The following ZNF683 variants were observed in gnomAD, a reference collection of about 807,000 sequenced individuals.
The protein encoded by ZNF683 is zinc finger protein 683.
Under a neutral mutation model 31.4 loss-of-function variants are expected in ZNF683, and 20 were observed. That is an observed-to-expected ratio of 0.64 (90% CI 0.45 to 0.93). The LOEUF (loss-of-function observed/expected upper bound fraction) is 0.93. ZNF683 is among the 40% of genes least tolerant of loss of function. ZNF683 has a pLI of 0.00. For missense variants in ZNF683, 621 were observed against 637.2 expected (o/e 0.97, Z 0.27); for synonymous variants, 264 against 267.6 (o/e 0.99, Z 0.13).
intron 4 of ZNF683, 104 bp downstream of exon 4, chr1:26,364,428 G>A (rs947436707): frequency 7.5e-7 from 1 of 1,338,526 alleles, no homozygotes; most frequent in East Asian, 2.3e-5. Flanking sequence ...GGTTGCCCAG[G>A]AGTGCCTTCT....
chr1:26,367,801 G>A lies in ZNF683; in HGVS notation c.115-4C>T, dbSNP rs199724674. On this transcript the variant is annotated splice_region_variant and splice_polypyrimidine_tract_variant and intron_variant, in intron 2 of 5. Transcript: ENST00000349618. ...GTGGTCTGCAGGCTGAGAAGACCTG[G>A]AGGGCAGGGGCAAGGGGCTTGGGGG... is the stretch of plus-strand genomic sequence containing the variant. 4.5e-6 allele frequency: 7 copies of A among 1,572,740 alleles called. No homozygotes were observed. In the African/African-American group the frequency reaches 9.4e-5, roughly 21 times the overall value.
intron 3 of ZNF683, among the ~76,000 whole-genome samples, chr1:26,367,338 C>G (rs2074547786): frequency 6.6e-6 from 1 of 152,134 alleles, no homozygotes; most frequent in Non-Finnish European, 1.5e-5. Flanking sequence ...ATGACCTTGG[C>G]TATACCTACA....
At chr1:26,372,479 G>A (rs971189194) in intron 1 of ZNF683, 190 bp downstream of exon 1, 66 of 1,304,060 alleles carry the variant, frequency 5.1e-5, no homozygotes, top group Non-Finnish European at 6.2e-5. Flanking sequence ...CTTCATGCAG[G>A]CATACATGGA....
At chr1:26,362,747 C>T (rs935075891) in intron 5 of ZNF683, among the ~76,000 whole-genome samples, 3 of 152,176 alleles carry the variant, frequency 2.0e-5, no homozygotes, top group Non-Finnish European at 4.4e-5. Flanking sequence ...TACACTATAG[C>T]ATTAACTCCT....
chr1:26,372,647 C>T lies in ZNF683; in HGVS notation c.-15+22G>A, dbSNP rs2074696284. ...GAAAAAAATAAAAACTACTTCCCCT[C>T]TATCCGCACTTCCCAACCTACTCTG... On this transcript the variant is annotated intron_variant, in intron 1 of 5. Coordinates refer to ENST00000349618, the MANE Select transcript of ZNF683 (RefSeq NM_001114759.3). 8.4e-6 allele frequency: 11 copies of T among 1,303,328 alleles called. No individual in the cohort carries two copies. The South Asian group carries it at 1.4e-4, about 16-fold the overall frequency. 80.7% of individuals were successfully genotyped at this position (1,303,328 alleles called of 1,614,324 possible).
rs56178546 is a variant in ZNF683 at position 26,369,668 on chromosome 1, C to CAA, written c.-14-1085_-14-1084dup. On this transcript the variant is annotated intron_variant, in intron 1 of 5. Transcript: ENST00000349618. ...GGGTGACAGAGCAAGACTTTGTCTCCAAAAAAAAAAAATTAGCTGAGTGTG... is the reference window on the plus strand; with the variant it reads ...GGGTGACAGAGCAAGACTTTGTCTCCAAAAAAAAAAAAAATTAGCTGAGTGTG... 2.8e-5 allele frequency among the ~76,000 whole-genome samples: 3 copies of CAA among 108,692 alleles called. 1 individual carries two copies. The highest frequency in any genetic ancestry group is 3.7e-5 in the Non-Finnish European group (2 of 53,994). 71.3% of individuals were successfully genotyped at this position (108,692 alleles called of 152,430 possible). A position where few individuals can be genotyped will look rare whatever the true frequency, so the allele number is the denominator to read the frequency against.
chr1:26,363,221 C>A, intron 4 of ZNF683, 67 bp from the exon 5 acceptor site: 1 of 1,538,832 alleles, frequency 6.5e-7, no homozygotes, highest in Admixed American at 1.8e-5. Flanking sequence ...AGGTCCTCTC[C>A]AAATCTCTGC....
At chr1:26,373,037 CA>C (rs2124223140), upstream of ZNF683, among the ~76,000 whole-genome samples, 1 of 152,302 alleles carries the variant, frequency 6.6e-6, no homozygotes, top group East Asian at 1.9e-4. Context: ...GCCCAGGGTA[CA>C]AAAGCCCCAA....
rs1352862529 is a variant in ZNF683, at chr1:26,367,817, G to A, written c.115-20C>T. 13 of 1,531,696 alleles carry A rather than the reference G, an allele frequency of 8.5e-6. No individual in the cohort carries two copies. Among genetic ancestry groups the A allele is most frequent in the Non-Finnish European group, 9.7e-6 (11 of 1,134,920 alleles). 94.9% of individuals were successfully genotyped at this position (1,531,696 alleles called of 1,614,324 possible). A position where few individuals can be genotyped will look rare whatever the true frequency, so the allele number is the denominator to read the frequency against. On this transcript the variant is annotated intron_variant, in intron 2 of 5. Coordinates refer to ENST00000349618, the MANE Select transcript of ZNF683 (RefSeq NM_001114759.3). The stretch of plus-strand genomic sequence containing the variant: ...GAAGACCTGGAGGGCAGGGGCAAGG[G>A]GCTTGGGGGCTGGTGACTGGGACTC...
At chr1:26,363,587 T>C (rs984972710) in intron 4 of ZNF683, among the ~76,000 whole-genome samples, 6 of 151,766 alleles carry the variant, frequency 4.0e-5, no homozygotes, top group African/African-American at 9.7e-5. Context: ...GAGAAACACA[T>C]TGGGACCCCG....
intron 1 of ZNF683, among the ~76,000 whole-genome samples, chr1:26,370,406 C>G (rs2074641591): frequency 6.6e-6 from 1 of 152,198 alleles, no homozygotes; most frequent in Non-Finnish European, 1.5e-5. Flanking sequence ...CATCCAGCAC[C>G]AGGCTTCTCT....
At chr1:26,372,436 C>T (rs2074690526) in intron 1 of ZNF683, 1 of 1,284,276 alleles carries the variant, frequency 7.8e-7, no homozygotes, top group Non-Finnish European at 1.0e-6. Context: ...GCCGAAATGG[C>T]CAAATACTTA....
At chr1:26,367,479 T>G in intron 3 of ZNF683, 114 bp downstream of exon 3, 1 of 1,170,386 alleles carries the variant, frequency 8.5e-7, no homozygotes. Context: ...GTGCCTAAGC[T>G]CTGTCTTCAT....
intron 3 of ZNF683, among the ~76,000 whole-genome samples, chr1:26,367,289 A>C (rs1202167431): frequency 6.6e-6 from 1 of 151,778 alleles, no homozygotes; most frequent in Non-Finnish European, 1.5e-5. Context: ...CAAACAAAAA[A>C]CACCTCTCTA....
In ZNF683 at chr1:26,363,052, T is replaced by C; in HGVS notation, c.1117A>G (p.Thr373Ala). 6.2e-7 allele frequency: 1 copy of C among 1,612,190 alleles called. No homozygotes were observed. The highest frequency in any genetic ancestry group is 8.5e-7 in the Non-Finnish European group (1 of 1,179,104). ...GAGCACTTGTGGGGCCGCTCCCCAG[T>C]GTGCACCAGGTGGTGCTTCTGCAGG... ...AHLQKHHLVHTGERPHKCSVC... is the reference protein window; with the variant it reads ...AHLQKHHLVHAGERPHKCSVC... The change falls in exon 5 of 6, where the codon ACT becomes GCT. Residue 373 changes from threonine to alanine, a missense_variant. Thr to Ala is a moderately conservative substitution (Grantham distance 58). Coordinates refer to ENST00000349618, the MANE Select transcript of ZNF683 (RefSeq NM_001114759.3).
At chr1:26,365,294 T>C in intron 3 of ZNF683, 68 bp from the exon 4 acceptor site, 1 of 1,467,436 alleles carries the variant, frequency 6.8e-7, no homozygotes, top group Non-Finnish European at 9.1e-7. Flanking sequence ...CCATCAAACC[T>C]GCCCTGCTCG....
chr1:26,368,663 T>A (rs528716643), intron 1 of ZNF683, 78 bp from the exon 2 acceptor site: 1 of 1,442,382 alleles, frequency 6.9e-7, no homozygotes, highest in East Asian at 2.6e-5. Context: ...GGCTCTCCCA[T>A]TAACATGCTG....
At chr1:26,374,037 T>G (rs2074716488), upstream of ZNF683, among the ~76,000 whole-genome samples, 1 of 150,164 alleles carries the variant, frequency 6.7e-6, no homozygotes, top group Non-Finnish European at 1.5e-5. Flanking sequence ...CATTTCTTTC[T>G]TTCTTGCTCT....
In ZNF683 at chr1:26,361,672, C is replaced by T. The variant is rs754675041; in HGVS notation, c.1494G>A (p.Met498Ile). The change falls in exon 6 of 6, where the codon ATG (methionine) becomes ATA (isoleucine). Residue 498 changes from methionine to isoleucine, a missense_variant. Coordinates refer to ENST00000349618, the MANE Select transcript of ZNF683 (RefSeq NM_001114759.3). ...ATTTTTAATTGTTCTGGTCCTGCCC[C>T]ATCACCAGGGGAGTCCCGGCACTGC... ...SLSSAGTPLV[M>I]GQDQNN 3.1e-6 allele frequency: 5 copies of T among 1,612,758 alleles called. No homozygotes were observed. Among genetic ancestry groups the T allele is most frequent in the Middle Eastern group, 1.7e-4 (1 of 6,028 alleles).
Sources: allele counts gnomAD v4.1 joint callset (sites outside exome capture counted in the v4.1 genomes callset), GRCh38; gene constraint gnomAD v4.1.1; transcripts MANE v1.5; gene names NCBI Gene and HGNC (gene_info 2026-07-23, HGNC 2026-07-21).